DYM: variants seen among roughly 807,000 people sequenced by gnomAD.
The protein encoded by DYM is dymeclin, also known as dyggve-Melchior-Clausen syndrome protein.
A neutral mutation model predicts 93.1 loss-of-function variants in DYM; 78 were observed. The ratio of observed to expected loss-of-function variants is 0.84; its 90% confidence interval spans 0.70 to 1.01. The LOEUF (loss-of-function observed/expected upper bound fraction) is 1.01. Ranked by LOEUF, DYM falls within the 50% of genes least tolerant of loss-of-function variation. The pLI is 0.00. For synonymous variants in DYM, 321 were observed against 319.7 expected, an observed-to-expected ratio of 1.00 and a Z score of -0.04; for missense variants, 789 against 845.0, an observed-to-expected ratio of 0.93 and a Z score of 0.82.
chr18:49,088,420 G>T (rs1319566572), intron 17 of DYM, among the ~76,000 whole-genome samples: 1 of 152,004 alleles, frequency 6.6e-6, no homozygotes, highest in Non-Finnish European at 1.5e-5. Flanking sequence ...GTGGGGTAGG[G>T]GGAGGGGGAA....
At chr18:49,068,107 C>T (rs1017162034) in intron 17 of DYM, among the ~76,000 whole-genome samples, 4 of 152,158 alleles carry the variant, frequency 2.6e-5, no homozygotes, top group African/African-American at 9.7e-5. Flanking sequence ...GACTTTCAAG[C>T]TTTTTTGAGG....
intron 13 of DYM, among the ~76,000 whole-genome samples, chr18:49,254,611 G>C (rs754713686): frequency 2.0e-5 from 3 of 152,048 alleles, no homozygotes; most frequent in Non-Finnish European, 4.4e-5. Context: ...CTTGGACACA[G>C]TGTTTTTATA....
chr18:49,243,607 G>C (rs1484847535), intron 13 of DYM, among the ~76,000 whole-genome samples: 1 of 149,472 alleles, frequency 6.7e-6, no homozygotes, highest in African/African-American at 2.5e-5. Flanking sequence ...GGAGGTTGCA[G>C]TGAGCTGAGA....
At chr18:49,238,146 A>C (rs1172045588) in intron 13 of DYM, among the ~76,000 whole-genome samples, 1 of 152,216 alleles carries the variant, frequency 6.6e-6, no homozygotes, top group Admixed American at 6.5e-5. Context: ...TTACACTTCA[A>C]CCAGAAAATT....
chr18:49,209,910 A>T (rs185425827), intron 13 of DYM, among the ~76,000 whole-genome samples, 195 bp from the exon 14 acceptor site: 146 of 152,362 alleles, frequency 9.6e-4, no homozygotes, highest in South Asian at 3.9e-3. Context: ...AGATCTAAAC[A>T]GACACTTCAT....
At chr18:49,297,407 C>T (rs1374397981) in intron 8 of DYM, among the ~76,000 whole-genome samples, 2 of 152,122 alleles carry the variant, frequency 1.3e-5, no homozygotes, top group Admixed American at 1.3e-4. Context: ...GTGATATCCT[C>T]AGTGGTTGGG....
rs1464840911 is a variant in DYM at position 49,046,100 on chromosome 18, A to ACC, written c.2026-1898_2026-1897dup. Reference sequence around the variant, plus strand: ...TGCATGCGCGCACACACACACACACACCCACACCCACATCCCCAAATACAC... The same window carrying ACC: ...TGCATGCGCGCACACACACACACACACCCCCACACCCACATCCCCAAATACAC... On this transcript the variant is annotated intron_variant, in intron 17 of 17. Coordinates refer to ENST00000675505, the MANE Select transcript of DYM (RefSeq NM_001353214.3). Among the ~76,000 whole-genome samples the ACC allele has an allele frequency of 6.6e-5, 10 of 150,596 alleles. No individual in the cohort carries two copies. In the East Asian group the frequency reaches 9.9e-4, roughly 15 times the overall value.
chr18:49,128,702 A>T (rs540632530), intron 15 of DYM, among the ~76,000 whole-genome samples: 2 of 152,226 alleles, frequency 1.3e-5, no homozygotes, highest in Non-Finnish European at 2.9e-5. Flanking sequence ...AAATTTTATT[A>T]ATATAACCAA....
intron 15 of DYM, among the ~76,000 whole-genome samples, chr18:49,122,296 C>G (rs1433956542): frequency 6.6e-6 from 1 of 152,146 alleles, no homozygotes; most frequent in Non-Finnish European, 1.5e-5. Context: ...CTTAAACTAG[C>G]AATGTAGGAA....
intron 13 of DYM, among the ~76,000 whole-genome samples, chr18:49,233,825 C>T (rs1465449036): frequency 6.6e-6 from 1 of 152,012 alleles, no homozygotes; most frequent in Non-Finnish European, 1.5e-5. Context: ...TTCTGAGAAC[C>T]TTCATTAAGA....
chr18:49,131,737 A>G (rs1048245885), intron 15 of DYM, among the ~76,000 whole-genome samples: 11 of 152,348 alleles, frequency 7.2e-5, no homozygotes, highest in African/African-American at 2.6e-4. Flanking sequence ...ACCAAATAGT[A>G]CCCAGCTATG....
intron 14 of DYM, among the ~76,000 whole-genome samples, chr18:49,177,820 C>A (rs767935641): frequency 7.9e-5 from 12 of 152,112 alleles, no homozygotes; most frequent in Non-Finnish European, 1.5e-4. Flanking sequence ...TTCCACAATG[C>A]CTCCTGTATA....
At chr18:49,435,766 G>A (rs1053854411) in intron 1 of DYM, among the ~76,000 whole-genome samples, 3 of 152,052 alleles carry the variant, frequency 2.0e-5, no homozygotes, top group Non-Finnish European at 2.9e-5. Flanking sequence ...TCCAGCCTGG[G>A]CAACAAGAAC....
intron 3 of DYM, among the ~76,000 whole-genome samples, chr18:49,387,843 C>T (rs761992397): frequency 2.0e-4 from 30 of 151,998 alleles, no homozygotes; most frequent in Non-Finnish European, 4.4e-4. Context: ...TGGGGTATAC[C>T]TGTACCAATG....
chr18:49,373,071 T>G (rs996496502), intron 5 of DYM, among the ~76,000 whole-genome samples: 1 of 152,126 alleles, frequency 6.6e-6, no homozygotes, highest in African/African-American at 2.4e-5. Flanking sequence ...AAATACAGTA[T>G]ATCTCTAAAA....
chr18:49,425,030 T>G (rs1363555972), intron 2 of DYM, among the ~76,000 whole-genome samples: 1 of 152,066 alleles, frequency 6.6e-6, no homozygotes, highest in Admixed American at 6.5e-5. Context: ...CTTTACAGAA[T>G]TGGAAAAAAC....
intron 6 of DYM, among the ~76,000 whole-genome samples, chr18:49,354,674 AG>A (rs1443118913): frequency 3.3e-5 from 5 of 152,168 alleles, no homozygotes; most frequent in South Asian, 4.1e-4. Context: ...AAGCATATGA[AG>A]AGATGCTCAA....
intron 15 of DYM, among the ~76,000 whole-genome samples, chr18:49,160,616 C>T (rs1470271977): frequency 6.6e-6 from 1 of 150,426 alleles, no homozygotes; most frequent in Non-Finnish European, 1.5e-5. Flanking sequence ...GAATCCACTG[C>T]TGCATTAAGA....
chr18:49,391,516 A>G, intron 3 of DYM, 77 bp downstream of exon 3: 2 of 1,355,102 alleles, frequency 1.5e-6, no homozygotes, highest in Non-Finnish European at 2.1e-6. Flanking sequence ...TTACTTCATT[A>G]ATTCAGTTCA....
Sources: gnomAD v4.1 joint callset for allele counts (sites outside exome capture counted in the v4.1 genomes callset) on GRCh38, gnomAD v4.1.1 for gene constraint, MANE v1.5 for transcripts, NCBI Gene and HGNC (gene_info 2026-07-23, HGNC 2026-07-21) for gene names.